Variants in RABL3 observed in about 807,000 individuals in gnomAD.
RABL3 encodes the protein RAB, member of RAS oncogene family like 3, also known as rab-like protein 3.
In RABL3, 31 loss-of-function variants were observed where a neutral mutation model predicts 31.8. That is an observed-to-expected ratio of 0.97 (90% confidence interval 0.73 to 1.31). The LOEUF is 1.31. Ranked by LOEUF, RABL3 falls within the 40% of genes most tolerant of loss-of-function variation. The probability of loss-of-function intolerance (pLI) is 0.00; values close to 1 mark genes in which losing one functional copy is unlikely to be tolerated. For missense variants in RABL3, 263 were observed against 279.6 expected (o/e 0.94, Z 0.42); for synonymous variants, 97 against 99.9 (o/e 0.97, Z 0.18).
intron 6 of RABL3, among the ~76,000 whole-genome samples, chr3:120,693,479 C>T (rs544357072): frequency 2.3e-4 from 35 of 152,242 alleles, no homozygotes; most frequent in African/African-American, 8.4e-4. Flanking sequence ...TGCAGAAAGA[C>T]ATCCTGTTTT....
rs1708336056 is a variant in RABL3 at position 120,688,131 on chromosome 3, G to A, written c.*1692C>T. The A allele has an allele frequency of 1.3e-5, 2 of 152,292 alleles. No homozygotes were observed. Among genetic ancestry groups the A allele is most frequent in the African/African-American group, 4.8e-5 (2 of 41,380 alleles). 9.4% of individuals were successfully genotyped at this position (152,292 alleles called of 1,614,324 possible). ...AATAAGATAGAAAATAAAAAAATCA[G>A]GATGAATTTTTTTAAAATTAAAAGA... On this transcript the variant is annotated 3_prime_UTR_variant, in exon 8 of 8. Coordinates refer to ENST00000273375, the MANE Select transcript of RABL3 (RefSeq NM_173825.5).
chr3:120,724,277 C>T (rs1559820642), intron 2 of RABL3, among the ~76,000 whole-genome samples: 3 of 152,302 alleles, frequency 2.0e-5, no homozygotes, highest in African/African-American at 7.2e-5. Flanking sequence ...GAATTACAAA[C>T]CACTGCTCAA....
chr3:120,735,906 GAGAC>G (rs1205239170), intron 1 of RABL3, among the ~76,000 whole-genome samples: 1 of 152,218 alleles, frequency 6.6e-6, no homozygotes, highest in Non-Finnish European at 1.5e-5. Flanking sequence ...TGTGGTCTGA[GAGAC>G]AGTTTGTTAC....
intron 4 of RABL3, among the ~76,000 whole-genome samples, chr3:120,702,418 G>A (rs1434347606): frequency 6.6e-6 from 1 of 152,092 alleles, no homozygotes; most frequent in Non-Finnish European, 1.5e-5. Context: ...TAATGCCTCT[G>A]CTAATCTGAC....
intron 1 of RABL3, among the ~76,000 whole-genome samples, chr3:120,734,736 G>T (rs1230538370): frequency 6.6e-6 from 1 of 152,134 alleles, no homozygotes; most frequent in Non-Finnish European, 1.5e-5. Flanking sequence ...CTAATTTATT[G>T]AGAGTTTTTA....
intron 2 of RABL3, among the ~76,000 whole-genome samples, chr3:120,725,991 A>G (rs1033051010): frequency 6.6e-6 from 1 of 152,034 alleles, no homozygotes; most frequent in East Asian, 1.9e-4. Context: ...ATTTTTTAAC[A>G]TTTTTTTATG....
At chr3:120,714,502 A>AC (rs1708645929) in intron 2 of RABL3, among the ~76,000 whole-genome samples, 1 of 151,820 alleles carries the variant, frequency 6.6e-6, no homozygotes, top group Non-Finnish European at 1.5e-5. Flanking sequence ...AGTCAAGCTT[A>AC]TTTTTTTCTA....
intron 6 of RABL3, among the ~76,000 whole-genome samples, chr3:120,691,017 T>G (rs867301869): frequency 5.9e-5 from 9 of 151,956 alleles, no homozygotes; most frequent in African/African-American, 2.2e-4. Context: ...TGTTGTAAAT[T>G]GTCTACTTTT....
intron 2 of RABL3, among the ~76,000 whole-genome samples, chr3:120,729,333 T>C (rs892398344): frequency 1.3e-5 from 2 of 152,148 alleles, no homozygotes; most frequent in Non-Finnish European, 2.9e-5. Context: ...GAAAAGGCGC[T>C]GTATAGGGAT....
At chr3:120,702,784 C>G (rs1484628467) in intron 4 of RABL3, among the ~76,000 whole-genome samples, 2 of 152,124 alleles carry the variant, frequency 1.3e-5, no homozygotes, top group East Asian at 1.9e-4. Context: ...GTCTCGATCT[C>G]CTGACCTCAT....
chr3:120,692,693 AC>A (rs1708394960), intron 6 of RABL3, among the ~76,000 whole-genome samples: 1 of 152,164 alleles, frequency 6.6e-6, no homozygotes, highest in African/African-American at 2.4e-5. Flanking sequence ...ATAATTCTTT[AC>A]CCCTGACTTG....
At chr3:120,696,276 TA>T (rs1708434608) in intron 5 of RABL3, among the ~76,000 whole-genome samples, 1 of 152,356 alleles carries the variant, frequency 6.6e-6, no homozygotes, top group South Asian at 2.1e-4. Flanking sequence ...ATTTATACAG[TA>T]ACTGATGTTA....
intron 2 of RABL3, among the ~76,000 whole-genome samples, chr3:120,724,621 G>C (rs1041899142): frequency 6.6e-6 from 1 of 152,114 alleles, no homozygotes; most frequent in Non-Finnish European, 1.5e-5. Context: ...CAATGGAACA[G>C]AACAGAGCCC....
At chr3:120,734,662 A>G (rs1283147229) in intron 1 of RABL3, among the ~76,000 whole-genome samples, 2 of 152,212 alleles carry the variant, frequency 1.3e-5, no homozygotes, top group African/African-American at 2.4e-5. Context: ...CCCATTCAGT[A>G]TCATACTGGC....
chr3:120,699,247 A>T (rs190239426), intron 4 of RABL3, among the ~76,000 whole-genome samples: 118 of 152,336 alleles, frequency 7.7e-4, no homozygotes, highest in Non-Finnish European at 1.1e-3. Context: ...TAGTAAAAGG[A>T]AAGAACTTAG....
rs769780144 is a variant in RABL3 at position 120,709,828 on chromosome 3, C to T, written c.220G>A (p.Ala74Thr). 6.2e-7 allele frequency: 1 copy of T among 1,612,468 alleles called. No individual in the cohort carries two copies. Among genetic ancestry groups the T allele is most frequent in the Admixed American group, 1.7e-5 (1 of 59,948 alleles). The change falls in exon 3 of 8, where the codon GCC becomes ACC. Residue 74 changes from alanine to threonine, a missense_variant. By Grantham distance (58) the Ala-to-Thr change is moderately conservative. Coordinates refer to ENST00000273375, the MANE Select transcript of RABL3 (RefSeq NM_173825.5). Reference sequence around the variant, plus strand: ...GCTCTTGTGCTTTTCACGCTGCTGGCACTGCCCACAGAGCCTCCAACATCC... The same window carrying T: ...GCTCTTGTGCTTTTCACGCTGCTGGTACTGCCCACAGAGCCTCCAACATCC... ...LWDVGGSVGSASSVKSTRAVF... is the reference protein window; with the variant it reads ...LWDVGGSVGSTSSVKSTRAVF...
At chr3:120,710,508 A>G (rs1444612657) in intron 2 of RABL3, 1 of 152,200 alleles carries the variant, frequency 6.6e-6, no homozygotes, top group Admixed American at 6.6e-5. Flanking sequence ...AGGAGCTTCT[A>G]CAACCTGTTC....
intron 2 of RABL3, among the ~76,000 whole-genome samples, chr3:120,711,037 A>G (rs1665367041): frequency 6.6e-6 from 1 of 152,078 alleles, no homozygotes; most frequent in Non-Finnish European, 1.5e-5. Context: ...CCACCATTTG[A>G]TCCACCTCGT....
chr3:120,700,402 T>C (rs996221000), intron 4 of RABL3, among the ~76,000 whole-genome samples: 6 of 151,838 alleles, frequency 4.0e-5, no homozygotes, highest in South Asian at 2.1e-4. Flanking sequence ...ATCCAGAATA[T>C]AGGAAACTGT....
Sources: allele counts gnomAD v4.1 joint callset (sites outside exome capture counted in the v4.1 genomes callset), GRCh38; gene constraint gnomAD v4.1.1; transcripts MANE v1.5; gene names NCBI Gene and HGNC (gene_info 2026-07-23, HGNC 2026-07-21).